Variants in ABR observed in about 807,000 individuals in gnomAD.
ABR encodes active breakpoint cluster region-related protein.
In ABR, 35 loss-of-function variants were observed where a neutral mutation model predicts 107.2. The observed-to-expected ratio is 0.33, with a 90% confidence interval of 0.25 to 0.43. The LOEUF (loss-of-function observed/expected upper bound fraction) is 0.43, where lower values mean the gene tolerates loss of function less well. Among genes scored for constraint, ABR ranks in the 20% least tolerant of loss-of-function variants. The pLI is 1.00. For synonymous variants in ABR, 498 were observed against 462.0 expected (o/e 1.08, Z -1.00); for missense variants, 815 against 1,115.2 (o/e 0.73, Z 3.83).
At chr17:1,204,313 T>C (rs1366347169) in intron 1 of ABR, among the ~76,000 whole-genome samples, 5 of 152,094 alleles carry the variant, frequency 3.3e-5, no homozygotes, top group East Asian at 1.9e-4. Flanking sequence ...GGCGTGGTGG[T>C]GCGCGCCTGT....
At chr17:1,203,037 C>A (rs2042700065) in intron 1 of ABR, among the ~76,000 whole-genome samples, 1 of 152,082 alleles carries the variant, frequency 6.6e-6, no homozygotes, top group African/African-American at 2.4e-5. Context: ...AAGGCATGCA[C>A]CACCACGCCT....
intron 6 of ABR, among the ~76,000 whole-genome samples, chr17:1,076,823 C>T (rs950814565): frequency 7.9e-5 from 12 of 151,958 alleles, no homozygotes; most frequent in Non-Finnish European, 1.3e-4. Flanking sequence ...GGCCCCTGCA[C>T]GCTGGGGTCC....
chr17:1,220,289 T>C (rs1254764768), intron 1 of ABR, among the ~76,000 whole-genome samples: 2 of 146,266 alleles, frequency 1.4e-5, no homozygotes, highest in Non-Finnish European at 3.0e-5. Flanking sequence ...AGACTCCGTC[T>C]AAAAAAAAAA....
chr17:1,166,590 A>G (rs1452932017), intron 1 of ABR, among the ~76,000 whole-genome samples: 2 of 152,200 alleles, frequency 1.3e-5, no homozygotes, highest in South Asian at 2.1e-4. Context: ...TAAGGAGTTT[A>G]GAGTTTATCC....
chr17:1,057,777 A>C, intron 12 of ABR, 193 bp downstream of exon 12: 2 of 568,246 alleles, frequency 3.5e-6, no homozygotes, highest in South Asian at 3.9e-5. Flanking sequence ...CTAAATCATC[A>C]TGTCTTTCAG....
At chr17:1,204,789 G>A (rs2042755090) in intron 1 of ABR, among the ~76,000 whole-genome samples, 1 of 151,890 alleles carries the variant, frequency 6.6e-6, no homozygotes, top group African/African-American at 2.4e-5. Flanking sequence ...GAAATATACA[G>A]CCAGGTGATT....
At chr17:1,185,406 A>C (rs1288671132) in intron 1 of ABR, among the ~76,000 whole-genome samples, 9 of 152,136 alleles carry the variant, frequency 5.9e-5, no homozygotes, top group African/African-American at 2.2e-4. Context: ...GCACTTTGGG[A>C]GGCCGAGGCC....
chr17:1,072,576 C>T (rs1449788715), intron 8 of ABR, 38 bp downstream of exon 8: 2 of 1,572,934 alleles, frequency 1.3e-6, no homozygotes, highest in East Asian at 4.6e-5. Context: ...TGATACTTCT[C>T]AGCCTGGGTG....
chr17:1,023,524 C>T (rs953135029), intron 16 of ABR, among the ~76,000 whole-genome samples: 2 of 145,804 alleles, frequency 1.4e-5, no homozygotes, highest in African/African-American at 5.3e-5. Flanking sequence ...CAGTGGGGCC[C>T]TCTTGAGAAA....
intron 10 of ABR, among the ~76,000 whole-genome samples, chr17:1,065,604 C>G (rs1339546040): frequency 1.3e-5 from 2 of 152,208 alleles, no homozygotes; most frequent in African/African-American, 4.8e-5. Context: ...TCATGTTCCT[C>G]TAAACAGCAC....
intron 1 of ABR, among the ~76,000 whole-genome samples, chr17:1,167,795 T>A (rs2041569871): frequency 6.6e-6 from 1 of 152,092 alleles, no homozygotes; most frequent in Non-Finnish European, 1.5e-5. Flanking sequence ...CTCTAAGGAG[T>A]TGAGAGTCTG....
chr17:1,140,213 A>T (rs756491263), intron 1 of ABR, among the ~76,000 whole-genome samples: 9 of 152,198 alleles, frequency 5.9e-5, no homozygotes, highest in Non-Finnish European at 1.3e-4. Flanking sequence ...TTGACTGAAA[A>T]TGCGGCCACA....
intron 1 of ABR, among the ~76,000 whole-genome samples, chr17:1,224,263 G>T (rs1260183841): frequency 6.6e-6 from 1 of 152,040 alleles, no homozygotes. Flanking sequence ...ACCAAGCAAG[G>T]CTACAAGGTA....
intron 21 of ABR, 65 bp from the exon 22 acceptor site, chr17:1,007,377 C>T: frequency 1.3e-6 from 2 of 1,593,896 alleles, no homozygotes; most frequent in Non-Finnish European, 8.6e-7. Context: ...CTCCAGGACC[C>T]TTGGCCTTCG....
In ABR at chr17:1,010,137, G is replaced by A. The variant is rs1339424915; in HGVS notation, c.2237-353C>T. 1 of 309,526 alleles carries A rather than the reference G, an allele frequency of 3.2e-6. No individual in the cohort carries two copies. Among genetic ancestry groups the A allele is most frequent in the Admixed American group, 4.3e-5 (1 of 23,110 alleles). The allele number at this position is 309,526 out of a possible 1,614,324, so 19.2% of individuals were successfully genotyped here. A position where few individuals can be genotyped will look rare whatever the true frequency, so the allele number is the denominator to read the frequency against. ...AGTAGGGACATATCCTGCCAGCGGT[G>A]GATTCTCTTTCTCCACCCCTTCTGC... is the stretch of plus-strand genomic sequence containing the variant. On this transcript the variant is annotated intron_variant, in intron 20 of 22. Transcript: ENST00000302538. This position sits in a 1 kb window ranked among gnomAD's most constrained non-coding sequence, Gnocchi z 4.1.
At chr17:1,180,670 G>A (rs1183491772), upstream of ABR, among the ~76,000 whole-genome samples, 4 of 152,236 alleles carry the variant, frequency 2.6e-5, no homozygotes, top group African/African-American at 9.6e-5. Flanking sequence ...GCCGCGGCCT[G>A]GAAAGCCCAT....
chr17:1,046,195 G>T (rs1430977254), intron 16 of ABR, among the ~76,000 whole-genome samples: 1 of 151,644 alleles, frequency 6.6e-6, no homozygotes, highest in Non-Finnish European at 1.5e-5. Context: ...TAGTAGAGAC[G>T]GGGTTTCGCC....
chr17:1,031,747 G>GGC lies in ABR; in HGVS notation c.1791+18302_1791+18303insGC, dbSNP rs968585525. The GGC allele has an allele frequency of 1.3e-4, 166 of 1,237,478 alleles. 2 individuals are homozygous for GGC. Among genetic ancestry groups the GGC allele is most frequent in the African/African-American group, 5.3e-4 (34 of 64,450 alleles). The allele number at this position is 1,237,478 out of a possible 1,614,324, so 76.7% of individuals were successfully genotyped here. Reference sequence around the variant, plus strand: ...TGGGGCAGGACGTCGGTCATGCCGGGGGGGACGGGACGCGGCGCTGGAGAG... The same window carrying GGC: ...TGGGGCAGGACGTCGGTCATGCCGGGGCGGGGACGGGACGCGGCGCTGGAGAG... On this transcript the variant is annotated intron_variant, in intron 16 of 22. Transcript: ENST00000302538.
At chr17:1,028,820 C>G (rs780943099) in intron 16 of ABR, among the ~76,000 whole-genome samples, 2 of 152,136 alleles carry the variant, frequency 1.3e-5, no homozygotes, top group African/African-American at 4.8e-5. Flanking sequence ...TCAGGAGCGT[C>G]TTGGACTTGG....
Sources: allele counts gnomAD v4.1 joint callset (sites outside exome capture counted in the v4.1 genomes callset), GRCh38; gene constraint gnomAD v4.1.1; non-coding constraint Gnocchi (gnomAD v3.1); transcripts MANE v1.5; gene names NCBI Gene and HGNC (gene_info 2026-07-23, HGNC 2026-07-21).